RGL4: variants seen among roughly 807,000 people sequenced by gnomAD.
The protein encoded by RGL4 is ral guanine nucleotide dissociation stimulator like 4.
A neutral mutation model predicts 49.6 loss-of-function variants in RGL4; 41 were observed. The observed-to-expected ratio is 0.83, with a 90% CI of 0.64 to 1.07. The LOEUF is 1.07. RGL4 is among the 50% of genes least tolerant of loss of function. RGL4 has a pLI of 0.00. For synonymous variants in RGL4, 255 were observed against 238.0 expected (o/e 1.07, Z -0.66); for missense variants, 610 against 591.9 (o/e 1.03, Z -0.32).
At position 23,692,393 on chromosome 22, in the gene RGL4, C is replaced by T. The variant is rs778489709; in HGVS notation, c.238C>T (p.Pro80Ser). 31 of 1,614,108 alleles carry T rather than the reference C, an allele frequency of 1.9e-5. No homozygotes were observed. Among genetic ancestry groups the T allele is most frequent in the Non-Finnish European group, 2.5e-5 (29 of 1,180,050 alleles). ...CGAAAACACTTCAGTTTACTATCAGCCCCCGCAACGGTCATCTTTCCGGAT... is the reference window on the plus strand; with the variant it reads ...CGAAAACACTTCAGTTTACTATCAGTCCCCGCAACGGTCATCTTTCCGGAT... ...PPENTSVYYQ[P>S]PQRSSFRIKL... Residue 80 changes from proline (P) to serine (S), a missense_variant, in exon 2 of 11, where the codon CCC (proline) becomes TCC (serine). By Grantham distance (74) the Pro-to-Ser change is moderately conservative. Coordinates refer to ENST00000290691, the MANE Select transcript of RGL4 (RefSeq NM_153615.2).
In RGL4 at chr22:23,692,035, G is replaced by C; in HGVS notation, c.5G>C (p.Arg2Thr). 1 of 1,613,460 alleles carries C rather than the reference G, an allele frequency of 6.2e-7. No individual in the cohort carries two copies. The highest frequency in any genetic ancestry group is 1.1e-5 in the South Asian group (1 of 91,066). ...GGACCCAGATCTGGAGCTTTGATGA[G>C]GAAGCTGCTCACAAATCTGCCTGCA... Reference protein sequence around the residue: MRKLLTNLPAAA... With the variant: MTKLLTNLPAAA... Residue 2 changes from arginine to threonine, a missense_variant, in exon 1 of 11, where the codon AGG becomes ACG. Arg to Thr is a moderately conservative substitution (Grantham distance 71, BLOSUM62 -1). Transcript: ENST00000290691.
At chr22:23,696,267 T>C in intron 6 of RGL4, 1 of 1,208,242 alleles carries the variant, frequency 8.3e-7, no homozygotes. Flanking sequence ...CCTCACAGGG[T>C]AGAAATGAAG....
In RGL4 at chr22:23,691,315, G is replaced by A. The variant is rs1923124453; in HGVS notation, c.-716G>A. ...TAAAGGATGTCTGAGATTCCTTCTGGCTGGTCTTTCTCCTTGACACAGACA... is the reference window on the plus strand; with the variant it reads ...TAAAGGATGTCTGAGATTCCTTCTGACTGGTCTTTCTCCTTGACACAGACA... On this transcript the variant is annotated 5_prime_UTR_variant, in exon 1 of 11. Coordinates refer to ENST00000290691, the MANE Select transcript of RGL4 (RefSeq NM_153615.2). The A allele has an allele frequency of 6.6e-6, 1 of 152,166 alleles. No individual in the cohort carries two copies. The highest frequency in any genetic ancestry group is 2.4e-5 in the African/African-American group (1 of 41,422). 9.4% of individuals were successfully genotyped at this position (152,166 alleles called of 1,614,324 possible). A position where few individuals can be genotyped will look rare whatever the true frequency, so the allele number is the denominator to read the frequency against.
At position 23,694,909 on chromosome 22, in the gene RGL4, T is replaced by C. The variant is rs192978266; in HGVS notation, c.1017-41T>C. On this transcript the variant is annotated intron_variant, in intron 5 of 10. Coordinates refer to ENST00000290691, the MANE Select transcript of RGL4 (RefSeq NM_153615.2). ...GGGACTGGAACTCACAAATCTCCCCTGATTCCCAAATTTACCCTTCTTTCT... is the reference window on the plus strand; with the variant it reads ...GGGACTGGAACTCACAAATCTCCCCCGATTCCCAAATTTACCCTTCTTTCT... 400 of 1,513,474 alleles carry C rather than the reference T, an allele frequency of 2.6e-4. 1 individual carries two copies. The highest frequency in any genetic ancestry group is 2.1e-3 in the African/African-American group (148 of 71,294). 93.8% of individuals were successfully genotyped at this position (1,513,474 alleles called of 1,614,324 possible).
intron 2 of RGL4, 68 bp from the exon 3 acceptor site, chr22:23,692,601 C>T (rs530520283): frequency 1.7e-4 from 275 of 1,576,266 alleles, no homozygotes; most frequent in East Asian, 3.6e-4. Context: ...AAATTCCACC[C>T]GGTCATTTCT....
intron 6 of RGL4, 185 bp from the exon 7 acceptor site, chr22:23,696,429 C>CA (rs1367327883): frequency 1.4e-5 from 22 of 1,533,696 alleles, no homozygotes; most frequent in Middle Eastern, 1.7e-4. Context: ...GAAGAGGAAA[C>CA]AGTCTCAGGG....
intron 6 of RGL4, chr22:23,695,424 C>T: frequency 1.8e-6 from 1 of 566,570 alleles, no homozygotes; most frequent in South Asian, 1.5e-5. Context: ...AGCAATTCCT[C>T]AGGAAGCCAG....
chr22:23,698,535 CTGT>C (rs1413245527), intron 10 of RGL4: 12 of 732,180 alleles, frequency 1.6e-5, no homozygotes, highest in Non-Finnish European at 2.9e-5. Context: ...GGTTGTTCTG[CTGT>C]TGTTGTTCTG....
At chr22:23,694,694 C>T (rs879207222) in intron 5 of RGL4, 2 of 594,134 alleles carry the variant, frequency 3.4e-6, no homozygotes, top group Admixed American at 2.9e-5. Context: ...GGTGTTTGTA[C>T]CCAGCAGTGG....
At position 23,691,330 on chromosome 22, in the gene RGL4, T is replaced by A. The variant is rs1245965221; in HGVS notation, c.-701T>A. On this transcript the variant is annotated 5_prime_UTR_variant, in exon 1 of 11. It introduces an in-frame stop codon into an upstream open reading frame of the 5' UTR. Coordinates refer to ENST00000290691, the MANE Select transcript of RGL4 (RefSeq NM_153615.2). ...ATTCCTTCTGGCTGGTCTTTCTCCTTGACACAGACAGAAGAGGGGTCCCTT... is the reference window on the plus strand; with the variant it reads ...ATTCCTTCTGGCTGGTCTTTCTCCTAGACACAGACAGAAGAGGGGTCCCTT... 1 of 152,110 alleles carries A rather than the reference T, an allele frequency of 6.6e-6. No individual in the cohort carries two copies. The highest frequency in any genetic ancestry group is 2.1e-4 in the South Asian group (1 of 4,824). 9.4% of individuals were successfully genotyped at this position (152,110 alleles called of 1,614,324 possible).
intron 3 of RGL4, 199 bp downstream of exon 3, chr22:23,693,190 GCA>G (rs1923252859): frequency 3.2e-6 from 3 of 928,766 alleles, no homozygotes; most frequent in South Asian, 1.8e-5. Context: ...AGCGCCAGCT[GCA>G]CAGAGTGACT....
intron 3 of RGL4, 55 bp from the exon 4 acceptor site, chr22:23,693,704 G>A: frequency 7.1e-7 from 1 of 1,403,818 alleles, no homozygotes; most frequent in Non-Finnish European, 1.0e-6. Context: ...TGGGACTGTG[G>A]GTGACTCTGA....
intron 8 of RGL4, 94 bp downstream of exon 8, chr22:23,697,339 C>T (rs1450084582): frequency 7.3e-6 from 7 of 958,024 alleles, no homozygotes; most frequent in African/African-American, 1.6e-5. Flanking sequence ...CAGCCCTTGG[C>T]AAACCTCCTC....
At chr22:23,693,437 G>C (rs751361465) in intron 3 of RGL4, among the ~76,000 whole-genome samples, 1 of 152,212 alleles carries the variant, frequency 6.6e-6, no homozygotes, top group Non-Finnish European at 1.5e-5. Flanking sequence ...GGGCTGATTG[G>C]GATGGGAGGA....
chr22:23,697,975 T>C, intron 9 of RGL4, 114 bp downstream of exon 9: 1 of 1,336,472 alleles, frequency 7.5e-7, no homozygotes, highest in South Asian at 1.3e-5. Flanking sequence ...ACTGGGAGTG[T>C]TTGACACACA....
At chr22:23,695,249 A>G (rs1569119798) in intron 6 of RGL4, 12 of 498,452 alleles carry the variant, frequency 2.4e-5, no homozygotes, top group Non-Finnish European at 3.3e-5. Context: ...TGGAAATGGG[A>G]TGTGGCAATG....
chr22:23,693,662 G>T, intron 3 of RGL4, 97 bp from the exon 4 acceptor site: 1 of 973,306 alleles, frequency 1.0e-6, no homozygotes, highest in East Asian at 2.5e-5. Flanking sequence ...TCCTGCCAGA[G>T]ACCGTGGATG....
In RGL4 at chr22:23,698,900, A is replaced by G. The variant is rs565008555; in HGVS notation, c.*17A>G. 6.2e-6 allele frequency: 10 copies of G among 1,612,074 alleles called. No individual in the cohort carries two copies. Among genetic ancestry groups the G allele is most frequent in the Non-Finnish European group, 7.6e-6 (9 of 1,179,266 alleles). On this transcript the variant is annotated 3_prime_UTR_variant, in exon 11 of 11. Transcript: ENST00000290691. ...AACCCGTAGGCTGGCAACATCCTGC[A>G]GTGGCTGGGAACCCACCGGGATGCT...
chr22:23,696,635 A>G lies in RGL4; in HGVS notation c.1108A>G (p.Thr370Ala). Reference protein sequence around the residue: ...LIKAGSFKVATQERNPQRVQM... With the variant: ...LIKAGSFKVAAQERNPQRVQM... ...GCAGGCGGGGAGCTTTAAGGTGGCC[A>G]CCCAGGAGAGGAACCCCCAGAGAGT... The change falls in exon 7 of 11, where the codon ACC becomes GCC. Residue 370 changes from threonine (T) to alanine (A), a missense_variant. Thr to Ala is a moderately conservative substitution (Grantham distance 58, BLOSUM62 0). Transcript: ENST00000290691. 6.2e-7 allele frequency: 1 copy of G among 1,613,768 alleles called. No homozygotes were observed. The highest frequency in any genetic ancestry group is 8.5e-7 in the Non-Finnish European group (1 of 1,179,892).
Sources: allele counts gnomAD v4.1 joint callset (sites outside exome capture counted in the v4.1 genomes callset), GRCh38; gene constraint gnomAD v4.1.1; transcripts MANE v1.5; gene names NCBI Gene and HGNC (gene_info 2026-07-23, HGNC 2026-07-21).